The following GNG12 variants were observed in gnomAD, a reference collection of about 807,000 sequenced individuals.
GNG12 encodes the protein guanine nucleotide-binding protein G(I)/G(S)/G(O) subunit gamma-12.
For synonymous variants in GNG12, 28 were observed against 29.7 expected (o/e 0.94, Z 0.19); for missense variants, 69 against 83.8 (o/e 0.82, Z 0.69).
At chr1:67,785,268 G>T (rs756494682) in intron 1 of GNG12, among the ~76,000 whole-genome samples, 3 of 151,854 alleles carry the variant, frequency 2.0e-5, no homozygotes, top group Non-Finnish European at 4.4e-5. Flanking sequence ...CTCACAAAAC[G>T]GATCCACCCT....
At chr1:67,771,556 G>A (rs1646674693) in intron 2 of GNG12, among the ~76,000 whole-genome samples, 1 of 152,210 alleles carries the variant, frequency 6.6e-6, no homozygotes, top group African/African-American at 2.4e-5. Flanking sequence ...GCGAGTCCCT[G>A]AGCTAGAAAA....
chr1:67,755,327 C>T (rs1646561775), intron 2 of GNG12, among the ~76,000 whole-genome samples: 1 of 152,200 alleles, frequency 6.6e-6, no homozygotes, highest in Admixed American at 6.5e-5. Context: ...TTACTTGGAG[C>T]TCAAACAGAT....
chr1:67,750,401 T>C (rs72922780), intron 2 of GNG12, among the ~76,000 whole-genome samples: 4,860 of 152,268 alleles, frequency 0.032, 226 homozygotes, highest in African/African-American at 0.1. Context: ...GGCTCAGGCA[T>C]TGTAAAAGTT....
chr1:67,754,278 G>A (rs937253818), intron 2 of GNG12, among the ~76,000 whole-genome samples: 3 of 151,928 alleles, frequency 2.0e-5, no homozygotes, highest in Non-Finnish European at 2.9e-5. Flanking sequence ...ACTAAGCCCC[G>A]GTCATACCTG....
chr1:67,831,099 G>A (rs1010267658), intron 1 of GNG12, among the ~76,000 whole-genome samples: 5 of 152,102 alleles, frequency 3.3e-5, no homozygotes, highest in African/African-American at 1.2e-4. Flanking sequence ...CCAAATCACT[G>A]TTAAACAAGC....
intron 1 of GNG12, among the ~76,000 whole-genome samples, chr1:67,820,323 A>C (rs937499640): frequency 1.3e-5 from 2 of 151,304 alleles, no homozygotes; most frequent in Admixed American, 1.3e-4. Context: ...CGGATGGCGG[A>C]GGTTGCCAAG....
chr1:67,714,401 G>A (rs539989209), intron 2 of GNG12, among the ~76,000 whole-genome samples: 2 of 152,286 alleles, frequency 1.3e-5, no homozygotes, highest in African/African-American at 4.8e-5. Context: ...CCTTGGGAGA[G>A]GACTGATAAC....
chr1:67,768,135 T>C (rs1164453143), intron 2 of GNG12, among the ~76,000 whole-genome samples: 4 of 152,216 alleles, frequency 2.6e-5, no homozygotes, highest in Non-Finnish European at 5.9e-5. Flanking sequence ...CCACCATTAT[T>C]TGCATCCTGT....
At chr1:67,755,359 C>A (rs1195079356) in intron 2 of GNG12, among the ~76,000 whole-genome samples, 1 of 152,194 alleles carries the variant, frequency 6.6e-6, no homozygotes, top group Non-Finnish European at 1.5e-5. Context: ...GGGCACTTTT[C>A]ACTTCCTATT....
intron 2 of GNG12, among the ~76,000 whole-genome samples, chr1:67,766,849 G>A (rs1057449): frequency 6.6e-6 from 1 of 152,092 alleles, no homozygotes; most frequent in African/African-American, 2.4e-5. Context: ...GCTGGGCCTC[G>A]CTTCCCCCTC....
intron 1 of GNG12, among the ~76,000 whole-genome samples, chr1:67,783,495 T>TGAAGA (rs1267644852): frequency 1.3e-5 from 2 of 152,194 alleles, no homozygotes; most frequent in Non-Finnish European, 2.9e-5. Context: ...GAAGAGCTTC[T>TGAAGA]GCACAGCAAA....
chr1:67,711,217 G>A (rs1197522122), intron 2 of GNG12, among the ~76,000 whole-genome samples: 2 of 152,176 alleles, frequency 1.3e-5, no homozygotes, highest in Non-Finnish European at 2.9e-5. Context: ...TCGATTAAAT[G>A]GGGGTAACTG....
chr1:67,744,263 A>G (rs565579736), intron 2 of GNG12, among the ~76,000 whole-genome samples: 306 of 152,310 alleles, frequency 2.0e-3, no homozygotes, highest in African/African-American at 6.8e-3. Context: ...GATCCTAGGT[A>G]GATCAACTCC....
chr1:67,833,080 C>A (rs2100838508), intron 1 of GNG12, among the ~76,000 whole-genome samples: 1 of 151,856 alleles, frequency 6.6e-6, no homozygotes, highest in East Asian at 2.0e-4. Context: ...GGCGCGCGCG[C>A]CGTTTCTGCC....
intron 1 of GNG12, among the ~76,000 whole-genome samples, chr1:67,823,290 A>AGAAGAT (rs1646994014): frequency 6.6e-6 from 1 of 152,260 alleles, no homozygotes; most frequent in Non-Finnish European, 1.5e-5. Context: ...ATTCTAGGCT[A>AGAAGAT]GAAGATCATC....
intron 2 of GNG12, among the ~76,000 whole-genome samples, chr1:67,762,697 AT>A (rs1041400374): frequency 2.8e-4 from 42 of 151,902 alleles, no homozygotes; most frequent in Admixed American, 5.9e-4. Flanking sequence ...TTTTTCCCTA[AT>A]TTTTTTCCCC....
intron 2 of GNG12, among the ~76,000 whole-genome samples, chr1:67,727,747 T>C (rs913952321): frequency 2.0e-5 from 3 of 152,236 alleles, no homozygotes; most frequent in Admixed American, 6.5e-5. Context: ...CATCAAAAGA[T>C]AGCAATTTAC....
rs548478457 is a variant in GNG12 at position 67,766,484 on chromosome 1, C to T, written c.-27+10974G>A. ...TAAGAGGGAGGGAATGTGATTACGGCGGAGCATAAGCAGGGCTTAATCAGC... is the reference window on the plus strand; with the variant it reads ...TAAGAGGGAGGGAATGTGATTACGGTGGAGCATAAGCAGGGCTTAATCAGC... On this transcript the variant is annotated intron_variant, in intron 2 of 3. Coordinates refer to ENST00000370982, the MANE Select transcript of GNG12 (RefSeq NM_018841.6). 4.6e-5 allele frequency among the ~76,000 whole-genome samples: 7 copies of T among 152,102 alleles called. No homozygotes were observed. In the East Asian group the frequency reaches 5.8e-4, roughly 13 times the overall value.
At chr1:67,819,199 G>A (rs1246142722) in intron 1 of GNG12, among the ~76,000 whole-genome samples, 1 of 152,110 alleles carries the variant, frequency 6.6e-6, no homozygotes, top group Non-Finnish European at 1.5e-5. Flanking sequence ...AGGGAGAGAT[G>A]AAGGGGAGGG....
Sources: allele counts gnomAD v4.1 joint callset (sites outside exome capture counted in the v4.1 genomes callset), GRCh38; gene constraint gnomAD v4.1.1; transcripts MANE v1.5; gene names NCBI Gene and HGNC (gene_info 2026-07-23, HGNC 2026-07-21).